Variants in DNAH17 observed in about 807,000 individuals in gnomAD.
DNAH17 encodes dynein axonemal heavy chain 17.
DNAH17 carries 376 observed loss-of-function variants against 485.6 expected under a neutral mutation model. The observed-to-expected ratio is 0.77, with a 90% CI of 0.71 to 0.84. The LOEUF is 0.84. Ranked by LOEUF, DNAH17 falls within the 40% of genes least tolerant of loss-of-function variation. The pLI is 0.00. For missense variants in DNAH17, 6,370 were observed against 5,839.3 expected, an observed-to-expected ratio of 1.09 and a Z score of -2.96; for synonymous variants, 3,031 against 2,405.9, an observed-to-expected ratio of 1.26 and a Z score of -7.60.
In DNAH17 at chr17:78,543,936, A is replaced by C. The variant is rs1555689729; in HGVS notation, c.2453T>G (p.Leu818Trp). The stretch of plus-strand genomic sequence containing the variant: ...GTTGAGGTTGGCAATTCTTCCATCC[A>C]AGTCTAACAGGGCCTCTTTCTTATT... ...KDNKKEALLD[L>W]DGRIANLNKR... Residue 818 changes from leucine to tryptophan, a missense_variant, in exon 17 of 81, where the codon TTG becomes TGG. Leu to Trp is a moderately conservative substitution (Grantham distance 61). Coordinates refer to ENST00000389840, the MANE Select transcript of DNAH17 (RefSeq NM_173628.4). 1 of 1,614,030 alleles carries C rather than the reference A, an allele frequency of 6.2e-7. No homozygotes were observed. The highest frequency in any genetic ancestry group is 8.5e-7 in the Non-Finnish European group (1 of 1,179,896).
intron 62 of DNAH17, among the ~76,000 whole-genome samples, chr17:78,457,129 G>C (rs907189775): frequency 6.6e-6 from 1 of 152,280 alleles, no homozygotes; most frequent in Non-Finnish European, 1.5e-5. Context: ...CCAGCACTTT[G>C]GGAGGCCGAG....
At chr17:78,500,007 T>C (rs2090216925) in intron 36 of DNAH17, 2 of 339,378 alleles carry the variant, frequency 5.9e-6, no homozygotes, top group South Asian at 6.3e-5. Context: ...TGCTCACCCC[T>C]GTGCGGAGTC....
chr17:78,483,390 G>A (rs1389021316), intron 48 of DNAH17, among the ~76,000 whole-genome samples: 3 of 152,216 alleles, frequency 2.0e-5, no homozygotes, highest in Non-Finnish European at 2.9e-5. Context: ...AGCACTTTGG[G>A]AGCCCGAGGC....
intron 47 of DNAH17, 167 bp from the exon 48 acceptor site, chr17:78,485,200 G>T: frequency 1.2e-6 from 1 of 824,414 alleles, no homozygotes; most frequent in Non-Finnish European, 1.8e-6. Flanking sequence ...GGGGCACCGG[G>T]TACAGCCCCA....
chr17:78,529,000 G>C (rs1459856979), intron 22 of DNAH17, among the ~76,000 whole-genome samples: 1 of 150,662 alleles, frequency 6.6e-6, no homozygotes, highest in African/African-American at 2.5e-5. Flanking sequence ...CTGGAGTGCA[G>C]TGGTGCGATC....
At chr17:78,545,126 G>A (rs969355252) in intron 16 of DNAH17, among the ~76,000 whole-genome samples, 1 of 152,118 alleles carries the variant, frequency 6.6e-6, no homozygotes, top group African/African-American at 2.4e-5. Flanking sequence ...ACTCTGGGGT[G>A]AACGATGAAG....
chr17:78,558,403 C>A, intron 13 of DNAH17, 149 bp from the exon 14 acceptor site: 1 of 992,436 alleles, frequency 1.0e-6, no homozygotes, highest in Non-Finnish European at 1.4e-6. Context: ...GTTGGCAGGA[C>A]CAGGACGTTT....
Position 78,484,894 on chromosome 17 carries a change from G to A in DNAH17, c.7623C>T (p.Ile2541=). 5 of 1,581,730 alleles carry A rather than the reference G, an allele frequency of 3.2e-6. No individual in the cohort carries two copies. The highest frequency in any genetic ancestry group is 4.3e-6 in the Non-Finnish European group (5 of 1,163,704). The change falls in exon 48 of 81, where the codon ATC becomes ATT. Residue 2541 remains isoleucine, a synonymous_variant. Coordinates refer to ENST00000389840, the MANE Select transcript of DNAH17 (RefSeq NM_173628.4). ...AGTGCCGGTGGTCCATGTGCTGCCG[G>A]ATGAGGGTGTGCGGGGCCACCGTCC... The part of the protein sequence containing the change: ...KYGTVAPHTL[I]RQHMDHRHWY...
intron 11 of DNAH17, among the ~76,000 whole-genome samples, chr17:78,562,494 C>T (rs564938257): frequency 7.2e-5 from 11 of 152,062 alleles, no homozygotes; most frequent in Non-Finnish European, 1.3e-4. Context: ...TTTGGGTGTG[C>T]GCTTATAGTT....
At chr17:78,461,017 C>G (rs751562178) in intron 58 of DNAH17, among the ~76,000 whole-genome samples, 5 of 152,102 alleles carry the variant, frequency 3.3e-5, no homozygotes, top group Non-Finnish European at 7.3e-5. Flanking sequence ...AACCTTCAGG[C>G]TCCAAAGATG....
Position 78,486,276 on chromosome 17 carries a change from T to G in DNAH17, c.7049A>C (p.Tyr2350Ser). The change falls in exon 45 of 81, where the codon TAC becomes TCC. Residue 2350 changes from tyrosine to serine, a missense_variant. Coordinates refer to ENST00000389840, the MANE Select transcript of DNAH17 (RefSeq NM_173628.4). ...PDSPRELYELYFVFTCFWAFG... is the reference protein window; with the variant it reads ...PDSPRELYELSFVFTCFWAFG... ...GGCCCAGAAGCAGGTGAACACGAAG[T>G]ACAGCTCGTACAGCTCCCTGGGGGA... 2 of 1,606,696 alleles carry G rather than the reference T, an allele frequency of 1.2e-6. No homozygotes were observed. Among genetic ancestry groups the G allele is most frequent in the Non-Finnish European group, 8.5e-7 (1 of 1,174,478 alleles).
chr17:78,455,046 A>T (rs1329750512), intron 63 of DNAH17, among the ~76,000 whole-genome samples: 1 of 151,982 alleles, frequency 6.6e-6, no homozygotes, highest in Non-Finnish European at 1.5e-5. Flanking sequence ...GGTAGTTGGG[A>T]TTACAGGTGC....
At chr17:78,484,811 G>T (rs904055948) in intron 48 of DNAH17, 57 bp downstream of exon 48, 48 of 1,306,718 alleles carry the variant, frequency 3.7e-5, no homozygotes, top group African/African-American at 7.9e-5. Flanking sequence ...CCCCGCCCTG[G>T]CCCCGCCCTC....
chr17:78,544,872 T>C (rs987534527), intron 16 of DNAH17, among the ~76,000 whole-genome samples: 1 of 150,948 alleles, frequency 6.6e-6, no homozygotes, highest in African/African-American at 2.4e-5. Context: ...TTTACTGTTA[T>C]CTGTCATTAG....
At chr17:78,528,939 A>G (rs11654267) in intron 22 of DNAH17, among the ~76,000 whole-genome samples, 87,061 of 150,052 alleles carry the variant, frequency 0.58, 25,499 homozygotes, top group African/African-American at 0.62. Context: ...TGGGACATAA[A>G]GGCATTTTGT....
Position 78,572,783 on chromosome 17 carries a change from T to C in DNAH17, c.457A>G (p.Ser153Gly). Residue 153 changes from serine (S) to glycine (G), a missense_variant, in exon 3 of 81, where the codon AGT (serine) becomes GGT (glycine). Ser to Gly is a moderately conservative substitution (Grantham distance 56). Coordinates refer to ENST00000389840, the MANE Select transcript of DNAH17 (RefSeq NM_173628.4). ...HRLKNEMFVM[S>G]GKIKGKTLLP... ...AAGGTTTTGCCTTTGATCTTGCCAC[T>C]CATCACAAACATTTCATTCTTCAGC... is the stretch of plus-strand genomic sequence containing the variant. 1 of 1,613,824 alleles carries C rather than the reference T, an allele frequency of 6.2e-7. No homozygotes were observed. Among genetic ancestry groups the C allele is most frequent in the African/African-American group, 1.3e-5 (1 of 75,028 alleles).
intron 13 of DNAH17, among the ~76,000 whole-genome samples, chr17:78,558,543 A>ACCCTCATGGGTGGATGACATCACCC (rs1184425396): frequency 4.6e-5 from 7 of 151,754 alleles, no homozygotes; most frequent in Admixed American, 1.3e-4. Flanking sequence ...GGATGACATC[A>ACCCTCATGGGTGGATGACATCACCC]TCATTGCATG....
intron 18 of DNAH17, 137 bp from the exon 19 acceptor site, chr17:78,537,618 T>C: frequency 9.5e-7 from 1 of 1,054,168 alleles, no homozygotes; most frequent in South Asian, 1.5e-5. Flanking sequence ...AGAGCTCGTG[T>C]CTCAGCGCAC....
At chr17:78,477,794 A>C (rs912139586) in intron 51 of DNAH17, among the ~76,000 whole-genome samples, 2 of 152,198 alleles carry the variant, frequency 1.3e-5, no homozygotes, top group African/African-American at 4.8e-5. Flanking sequence ...AGAAGGAGAA[A>C]ATGGGAATGT....
Sources: gnomAD v4.1 joint callset for allele counts (sites outside exome capture counted in the v4.1 genomes callset) on GRCh38, gnomAD v4.1.1 for gene constraint, MANE v1.5 for transcripts, NCBI Gene and HGNC (gene_info 2026-07-23, HGNC 2026-07-21) for gene names.